Variants in GAN observed in about 807,000 individuals in gnomAD.
The protein encoded by GAN is epididymis secretory sperm binding protein.
Under a neutral mutation model 71.3 loss-of-function variants are expected in GAN, and 48 were observed. That is an observed-to-expected ratio of 0.67 (90% CI 0.53 to 0.86). GAN has a LOEUF of 0.86. Ranked by LOEUF, GAN falls within the 40% of genes least tolerant of loss-of-function variation. GAN has a pLI of 0.00. For synonymous variants in GAN, 386 were observed against 276.8 expected (o/e 1.39, Z -3.92); for missense variants, 928 against 770.1 (o/e 1.21, Z -2.43).
At chr16:81,337,756 G>A (rs148939563) in intron 1 of GAN, among the ~76,000 whole-genome samples, 19 of 152,268 alleles carry the variant, frequency 1.2e-4, no homozygotes, top group Non-Finnish European at 2.6e-4. Flanking sequence ...AAAAAGTAAC[G>A]TGAATATTGT....
At chr16:81,327,599 T>C (rs1172856157) in intron 1 of GAN, among the ~76,000 whole-genome samples, 1 of 150,316 alleles carries the variant, frequency 6.7e-6, no homozygotes, top group Non-Finnish European at 1.5e-5. Context: ...GGAGGCCTAC[T>C]TTCTTTGAAA....
chr16:81,353,795 A>G (rs1467185040), intron 2 of GAN, among the ~76,000 whole-genome samples: 1 of 152,178 alleles, frequency 6.6e-6, no homozygotes, highest in Non-Finnish European at 1.5e-5. Context: ...TAATGAGAAA[A>G]AAAAAACACC....
chr16:81,331,486 A>C (rs946919999), intron 1 of GAN, among the ~76,000 whole-genome samples: 2 of 152,242 alleles, frequency 1.3e-5, no homozygotes, highest in African/African-American at 4.8e-5. Flanking sequence ...AAAGGAACTC[A>C]GTACAATTTT....
At chr16:81,364,589 T>G (rs1180033647) in intron 7 of GAN, among the ~76,000 whole-genome samples, 1 of 152,186 alleles carries the variant, frequency 6.6e-6, no homozygotes, top group Non-Finnish European at 1.5e-5. Flanking sequence ...CCCAGGAGGC[T>G]GAGGCGGAAG....
intron 1 of GAN, among the ~76,000 whole-genome samples, chr16:81,343,660 C>A (rs935416068): frequency 6.6e-6 from 1 of 152,182 alleles, no homozygotes; most frequent in South Asian, 2.1e-4. Flanking sequence ...GAGCCAATAT[C>A]ATCCTGAATG....
chr16:81,337,277 A>G (rs557585447), intron 1 of GAN, among the ~76,000 whole-genome samples: 152 of 152,326 alleles, frequency 1.0e-3, no homozygotes, highest in African/African-American at 3.5e-3. Context: ...CCAAGGTGAC[A>G]TGATGACATG....
rs139342883 is a variant in GAN at position 81,375,820 on chromosome 16, A to G, written c.1503-1399A>G. Among the ~76,000 whole-genome samples, 1,284 of 151,882 alleles carry G rather than the reference A, an allele frequency of 8.5e-3. 18 individuals carry two copies. The highest frequency in any genetic ancestry group is 0.03 in the African/African-American group (1,223 of 41,432). On this transcript the variant is annotated intron_variant, in intron 9 of 10. Transcript: ENST00000648994. ...ATCTCTATGGAAAAAAAAAAAATTCATTAGCTGGGTGTGGTGGTGTGCACC... is the reference window on the plus strand; with the variant it reads ...ATCTCTATGGAAAAAAAAAAAATTCGTTAGCTGGGTGTGGTGGTGTGCACC...
At position 81,364,978 on chromosome 16, in the gene GAN, G is replaced by A. The variant is rs761827117; in HGVS notation, c.1241G>A (p.Gly414Asp). Residue 414 changes from glycine (G) to aspartate (D), a missense_variant, in exon 8 of 11, where the codon GGC becomes GAC. Gly to Asp is a moderately conservative substitution (Grantham distance 94). Coordinates refer to ENST00000648994, the MANE Select transcript of GAN (RefSeq NM_022041.4). ...ACCATTGTTCTCTGCTTTCAGATCG[G>A]CTGCTATGCAGCTATGAAAAAGAAA... The part of the protein sequence containing the change: ...QPDLTMVRKI[G>D]CYAAMKKKIY... 4 of 1,613,908 alleles carry A rather than the reference G, an allele frequency of 2.5e-6. No individual in the cohort carries two copies. Among genetic ancestry groups the A allele is most frequent in the African/African-American group, 1.3e-5 (1 of 74,906 alleles).
At chr16:81,377,014 T>C (rs1042892599) in intron 9 of GAN, among the ~76,000 whole-genome samples, 12 of 152,162 alleles carry the variant, frequency 7.9e-5, no homozygotes, top group Admixed American at 2.0e-4. Flanking sequence ...TATGACTCAA[T>C]ACATGTTTCA....
At chr16:81,357,975 A>T in intron 5 of GAN, 44 bp downstream of exon 5, 1 of 1,527,802 alleles carries the variant, frequency 6.5e-7, no homozygotes, top group Non-Finnish European at 9.1e-7. Flanking sequence ...AGATCAAGTA[A>T]TGTGTAATCT....
intron 9 of GAN, among the ~76,000 whole-genome samples, chr16:81,367,910 G>A (rs1402436630): frequency 2.0e-5 from 3 of 152,144 alleles, no homozygotes; most frequent in Non-Finnish European, 4.4e-5. Context: ...TATAACTATC[G>A]ATAGAACAAA....
chr16:81,365,245 G>A lies in GAN; in HGVS notation c.1374-105G>A, dbSNP rs576655701. 741 of 1,563,586 alleles carry A rather than the reference G, an allele frequency of 4.7e-4. 8 individuals carry two copies. The South Asian group carries it at 7.6e-3, about 16-fold the overall frequency. On this transcript the variant is annotated intron_variant, in intron 8 of 10. Coordinates refer to ENST00000648994, the MANE Select transcript of GAN (RefSeq NM_022041.4). Reference sequence around the variant, plus strand: ...ACTTGGCATTTCCTGAGAAAGGAAGGCCCACGTAGTAATGCTGCAGAGTTA... The same window carrying A: ...ACTTGGCATTTCCTGAGAAAGGAAGACCCACGTAGTAATGCTGCAGAGTTA...
At position 81,357,009 on chromosome 16, in the gene GAN, A is replaced by G. The variant is rs781095754; in HGVS notation, c.851+7A>G. 6.5e-6 allele frequency: 10 copies of G among 1,538,384 alleles called. No individual in the cohort carries two copies. The highest frequency in any genetic ancestry group is 2.7e-5 in the African/African-American group (2 of 73,472). On this transcript the variant is annotated splice_region_variant and intron_variant, in intron 4 of 10. Transcript: ENST00000648994. ...TTGGTGGAGAAGAGAGAGTGTAAGT[A>G]TGAGGTGGGACTTGTTTGAAAAGTG... is the stretch of plus-strand genomic sequence containing the variant.
chr16:81,345,374 A>C (rs771373806), intron 1 of GAN, among the ~76,000 whole-genome samples: 5 of 151,668 alleles, frequency 3.3e-5, no homozygotes, highest in Non-Finnish European at 5.9e-5. Context: ...ATGATAGACT[A>C]AGAAAATGTG....
At position 81,377,626 on chromosome 16, in the gene GAN, G is replaced by A. The variant is rs1904286397; in HGVS notation, c.*30G>A. On this transcript the variant is annotated 3_prime_UTR_variant, in exon 11 of 11. Coordinates refer to ENST00000648994, the MANE Select transcript of GAN (RefSeq NM_022041.4). Reference sequence around the variant, plus strand: ...GAAGCAGAGCAGAGTGCGAGATCCTGACCCAAGAGCACCATAACATAGCTC... The same window carrying A: ...GAAGCAGAGCAGAGTGCGAGATCCTAACCCAAGAGCACCATAACATAGCTC... The A allele has an allele frequency of 6.3e-7, 1 of 1,591,404 alleles. No homozygotes were observed. Among genetic ancestry groups the A allele is most frequent in the Admixed American group, 1.7e-5 (1 of 60,008 alleles).
rs920428645 is a variant in GAN, at chr16:81,379,672, T to C, written c.*2076T>C. 5 of 152,254 alleles carry C rather than the reference T, an allele frequency of 3.3e-5. No homozygotes were observed. The highest frequency in any genetic ancestry group is 7.3e-5 in the Non-Finnish European group (5 of 68,046). The allele number at this position is 152,254 out of a possible 1,614,324, so 9.4% of individuals were successfully genotyped here. ...CTAAATTTGCTTTGGTGAAATGTCC[T>C]GTACAGAACAGTACCTTGGCATTCA... On this transcript the variant is annotated 3_prime_UTR_variant, in exon 11 of 11. Transcript: ENST00000648994.
chr16:81,333,971 A>T (rs1909670709), intron 1 of GAN, among the ~76,000 whole-genome samples: 1 of 152,154 alleles, frequency 6.6e-6, no homozygotes, highest in Non-Finnish European at 1.5e-5. Flanking sequence ...CAGAAGTTTC[A>T]TTGCACTGCC....
rs1904304022 is a variant in GAN, at chr16:81,381,387, G to A, written c.*3791G>A. The A allele has an allele frequency of 6.6e-6, 1 of 152,220 alleles. No homozygotes were observed. Among genetic ancestry groups the A allele is most frequent in the African/African-American group, 2.4e-5 (1 of 41,450 alleles). 9.4% of individuals were successfully genotyped at this position (152,220 alleles called of 1,614,324 possible). ...ACCTTTGGTTAAATGGGGGAAGAAT[G>A]AGGTGGCGCTTTGACTGTATCAATT... On this transcript the variant is annotated 3_prime_UTR_variant, in exon 11 of 11. Coordinates refer to ENST00000648994, the MANE Select transcript of GAN (RefSeq NM_022041.4).
intron 1 of GAN, among the ~76,000 whole-genome samples, chr16:81,346,380 AGGCCTTAGGACTGGGCCAT>A (rs60088068): frequency 0.42 from 63,399 of 151,858 alleles, 13,967 homozygotes; most frequent in Middle Eastern, 0.54. Flanking sequence ...CTGTCTTCTA[AGGCCTTAGGACTGGGCCAT>A]GGCCTTAGGA....
Sources: allele counts gnomAD v4.1 joint callset (sites outside exome capture counted in the v4.1 genomes callset), GRCh38; gene constraint gnomAD v4.1.1; transcripts MANE v1.5; gene names NCBI Gene and HGNC (gene_info 2026-07-23, HGNC 2026-07-21).